DEK: variants seen among roughly 807,000 people sequenced by gnomAD.
DEK encodes the protein DEK proto-oncogene, also known as protein DEK.
A neutral mutation model predicts 46.8 loss-of-function variants in DEK; 28 were observed. The observed-to-expected ratio is 0.60, with a 90% CI of 0.44 to 0.82. The LOEUF is 0.82. Ranked by LOEUF, DEK falls within the 40% of genes least tolerant of loss-of-function variation. The pLI, the probability that DEK is intolerant of heterozygous loss-of-function variation, is 0.00. For missense variants in DEK, 416 were observed against 430.6 expected (o/e 0.97, Z 0.30); for synonymous variants, 160 against 144.5 (o/e 1.11, Z -0.77).
intron 9 of DEK, among the ~76,000 whole-genome samples, chr6:18,233,876 A>G (rs1790524573): frequency 1.3e-5 from 2 of 152,312 alleles, no homozygotes; most frequent in East Asian, 3.9e-4. Flanking sequence ...AAATCATGCT[A>G]CTATAAAGAC....
chr6:18,253,675 A>G (rs991627241), intron 6 of DEK, among the ~76,000 whole-genome samples: 1 of 152,226 alleles, frequency 6.6e-6, no homozygotes, highest in Admixed American at 6.5e-5. Context: ...AATTATCTAA[A>G]AAGACTTTAA....
intron 7 of DEK, among the ~76,000 whole-genome samples, chr6:18,245,201 T>C (rs989930525): frequency 1.2e-4 from 18 of 152,348 alleles, no homozygotes; most frequent in African/African-American, 4.3e-4. Flanking sequence ...CCTTTTGCTC[T>C]TCCTTATCTG....
At chr6:18,264,229 G>A in intron 1 of DEK, 156 bp downstream of exon 1, 1 of 314,694 alleles carries the variant, frequency 3.2e-6, no homozygotes, top group Admixed American at 5.2e-5. Flanking sequence ...GCGTGCGCGC[G>A]CGCCCGCCCG....
intron 9 of DEK, among the ~76,000 whole-genome samples, chr6:18,227,438 T>C (rs1790190267): frequency 6.6e-6 from 1 of 151,850 alleles, no homozygotes; most frequent in Non-Finnish European, 1.5e-5. Context: ...CAGAGACCTT[T>C]GTTCACATGT....
At chr6:18,260,993 A>AC (rs1791835468) in intron 2 of DEK, among the ~76,000 whole-genome samples, 1 of 150,782 alleles carries the variant, frequency 6.6e-6, no homozygotes, top group South Asian at 2.1e-4. Flanking sequence ...TCCAAAAAAA[A>AC]AAAAAAAAAA....
chr6:18,236,695 A>C (rs1790665214), intron 8 of DEK, 95 bp from the exon 9 acceptor site: 3 of 888,930 alleles, frequency 3.4e-6, no homozygotes, highest in Non-Finnish European at 4.7e-6. Context: ...AGATTCTCAA[A>C]GGGGTACTGG....
rs746235473 is a variant in DEK at position 18,263,912 on chromosome 6, G to A, written c.76C>T (p.Pro26Ser). The change falls in exon 2 of 11, where the codon CCC becomes TCC. Residue 26 changes from proline to serine, a missense_variant. Coordinates refer to ENST00000652689, the MANE Select transcript of DEK (RefSeq NM_003472.4). Reference sequence around the variant, plus strand: ...TCCTCGCTCTCCTCTCTGGGACCGGGCATTTCGGGTTCTTTCTCGGACGCG... The same window carrying A: ...TCCTCGCTCTCCTCTCTGGGACCGGACATTTCGGGTTCTTTCTCGGACGCG... ...QPASEKEPEMPGPREESEEEE... is the reference protein window; with the variant it reads ...QPASEKEPEMSGPREESEEEE... 6.2e-7 allele frequency: 1 copy of A among 1,611,680 alleles called. No homozygotes were observed. The highest frequency in any genetic ancestry group is 8.5e-7 in the Non-Finnish European group (1 of 1,178,930).
At chr6:18,250,205 T>C (rs945452549) in intron 6 of DEK, among the ~76,000 whole-genome samples, 1 of 152,198 alleles carries the variant, frequency 6.6e-6, no homozygotes, top group African/African-American at 2.4e-5. Context: ...GCATTAAAAC[T>C]GTCACTGCCA....
At chr6:18,244,227 A>G (rs758945683) in intron 7 of DEK, among the ~76,000 whole-genome samples, 4 of 152,192 alleles carry the variant, frequency 2.6e-5, no homozygotes, top group Non-Finnish European at 5.9e-5. Context: ...AGATTTAAAG[A>G]TTCGAGTTTG....
At chr6:18,229,276 G>A (rs570698212) in intron 9 of DEK, among the ~76,000 whole-genome samples, 45 of 152,298 alleles carry the variant, frequency 3.0e-4, no homozygotes, top group East Asian at 2.5e-3. Context: ...CCACAAAGAT[G>A]GGAAGAAACC....
chr6:18,261,576 A>G (rs890124887), intron 2 of DEK, among the ~76,000 whole-genome samples: 2 of 152,042 alleles, frequency 1.3e-5, no homozygotes, highest in African/African-American at 4.8e-5. Context: ...CGTTTCAAAA[A>G]ACAAACAAAC....
intron 7 of DEK, among the ~76,000 whole-genome samples, chr6:18,246,438 T>C (rs1791118001): frequency 6.6e-6 from 1 of 152,222 alleles, no homozygotes; most frequent in African/African-American, 2.4e-5. Context: ...ACTCACTCAC[T>C]GCATATCATA....
intron 2 of DEK, 40 bp downstream of exon 2, chr6:18,263,803 G>A (rs1426298100): frequency 6.2e-7 from 1 of 1,610,152 alleles, no homozygotes; most frequent in Admixed American, 1.7e-5. Context: ...AAAAAACTTC[G>A]GTCTGAAAAA....
chr6:18,258,988 A>G (rs1791721347), intron 2 of DEK, among the ~76,000 whole-genome samples: 1 of 152,202 alleles, frequency 6.6e-6, no homozygotes. Flanking sequence ...GTTTATGAAT[A>G]ACATTCCTAA....
At position 18,249,635 on chromosome 6, in the gene DEK, T is replaced by G. The variant is rs779863414; in HGVS notation, c.762+16A>C. ...CATGGAAAGAAATGATTTAAAAATA[T>G]AGTAAAATATTTTACCTCCTCTTCA... On this transcript the variant is annotated intron_variant, in intron 7 of 10. Coordinates refer to ENST00000652689, the MANE Select transcript of DEK (RefSeq NM_003472.4). The G allele has an allele frequency of 6.5e-7, 1 of 1,545,806 alleles. No homozygotes were observed. The highest frequency in any genetic ancestry group is 8.7e-7 in the Non-Finnish European group (1 of 1,150,814).
Position 18,225,600 on chromosome 6 carries a change from G to T in DEK, c.*119C>A. ...CTCAAGATAAAAAGGTCAGCAGTAA[G>T]TTCTACTAACGTTGCTTAACAAGGA... is the stretch of plus-strand genomic sequence containing the variant. On this transcript the variant is annotated 3_prime_UTR_variant, in exon 11 of 11. Transcript: ENST00000652689. 1 of 1,152,316 alleles carries T rather than the reference G, an allele frequency of 8.7e-7. No individual in the cohort carries two copies. The highest frequency in any genetic ancestry group is 1.2e-6 in the Non-Finnish European group (1 of 819,658). The allele number at this position is 1,152,316 out of a possible 1,614,324, so 71.4% of individuals were successfully genotyped here.
intron 2 of DEK, 136 bp downstream of exon 2, chr6:18,263,707 G>A (rs1268467774): frequency 4.5e-6 from 7 of 1,567,670 alleles, no homozygotes; most frequent in African/African-American, 4.1e-5. Context: ...GATAAATTGT[G>A]CACACATTCT....
chr6:18,233,174 T>G (rs953197307), intron 9 of DEK, among the ~76,000 whole-genome samples: 1 of 152,204 alleles, frequency 6.6e-6, no homozygotes, highest in African/African-American at 2.4e-5. Context: ...CTGGATCGCT[T>G]CTTTACACCT....
intron 6 of DEK, among the ~76,000 whole-genome samples, chr6:18,251,541 T>C (rs545604959): frequency 5.9e-5 from 9 of 152,198 alleles, no homozygotes; most frequent in East Asian, 1.9e-4. Context: ...CTCCAGGAAC[T>C]TGAAGTTGGT....
Sources: gnomAD v4.1 joint callset for allele counts (sites outside exome capture counted in the v4.1 genomes callset) on GRCh38, gnomAD v4.1.1 for gene constraint, MANE v1.5 for transcripts, NCBI Gene and HGNC (gene_info 2026-07-23, HGNC 2026-07-21) for gene names.